The following DIDO1 variants were observed in gnomAD, a reference collection of about 807,000 sequenced individuals.
The protein encoded by DIDO1 is death-inducer obliterator 1.
Under a neutral mutation model 99.4 loss-of-function variants are expected in DIDO1, and 16 were observed. The observed-to-expected ratio is 0.16, with a 90% CI of 0.11 to 0.24. The LOEUF (loss-of-function observed/expected upper bound fraction) is 0.24. Ranked by LOEUF, DIDO1 falls within the 10% of genes least tolerant of loss-of-function variation. DIDO1 has a pLI of 1.00. For synonymous variants in DIDO1, 1,366 were observed against 1,239.1 expected (o/e 1.10, Z -2.15); for missense variants, 2,996 against 3,014.0 (o/e 0.99, Z 0.14).
chr20:62,896,279 C>A lies in DIDO1; in HGVS notation c.2168G>T (p.Ser723Ile). ...GTTGAACATGATGCTGCGATATTTA[C>A]TCTTGTAGCGATTATCTGTAACTTG... is the stretch of plus-strand genomic sequence containing the variant. Reference protein sequence around the residue: ...LFQVTDNRYKSKYRSIMFNLK... With the variant: ...LFQVTDNRYKIKYRSIMFNLK... The change falls in exon 8 of 16, where the codon AGT becomes ATT. Residue 723 changes from serine (S) to isoleucine (I), a missense_variant. By Grantham distance (142) the Ser-to-Ile change is moderately radical. Coordinates refer to ENST00000395343, the MANE Select transcript of DIDO1 (RefSeq NM_001193369.2). The surrounding 1 kb of genome is among the most constrained non-coding windows in gnomAD (Gnocchi z 4.4). 1 of 1,613,876 alleles carries A rather than the reference C, an allele frequency of 6.2e-7. No individual in the cohort carries two copies. Among genetic ancestry groups the A allele is most frequent in the Non-Finnish European group, 8.5e-7 (1 of 1,179,974 alleles).
chr20:62,893,039 T>C (rs2064433344), intron 12 of DIDO1, 77 bp from the exon 13 acceptor site: 4 of 1,488,694 alleles, frequency 2.7e-6, no homozygotes, highest in Non-Finnish European at 3.6e-6. Flanking sequence ...AGCCTTTTTT[T>C]TTTTTGAGAC....
upstream of DIDO1, among the ~76,000 whole-genome samples, chr20:62,927,223 C>G (rs2065271753): frequency 1.3e-5 from 2 of 152,302 alleles, no homozygotes; most frequent in South Asian, 4.1e-4. Context: ...CCCACCATGT[C>G]AATCCTACAC....
At chr20:62,893,630 A>C (rs1202109893) in intron 12 of DIDO1, 36 bp downstream of exon 12, 3 of 1,517,118 alleles carry the variant, frequency 2.0e-6, no homozygotes. Flanking sequence ...CTAAAAAAAA[A>C]GTTTGGCTTG....
chr20:62,919,920 G>A (rs1407729627), intron 1 of DIDO1, among the ~76,000 whole-genome samples: 1 of 152,232 alleles, frequency 6.6e-6, no homozygotes, highest in African/African-American at 2.4e-5. Flanking sequence ...TTATCGAGGT[G>A]AAGGAGAAGT....
At chr20:62,882,445 G>A (rs764249151) in intron 15 of DIDO1, 31 bp from the exon 16 acceptor site, 1 of 1,581,920 alleles carries the variant, frequency 6.3e-7, no homozygotes, top group Non-Finnish European at 8.6e-7. Flanking sequence ...GCAAATTTTA[G>A]AATCTAAATC....
intron 1 of DIDO1, among the ~76,000 whole-genome samples, chr20:62,924,811 C>T (rs930249306): frequency 1.1e-4 from 17 of 152,144 alleles, no homozygotes; most frequent in African/African-American, 4.1e-4. Flanking sequence ...CTCACCACAG[C>T]ACAATGAGCT....
rs2064889757 is a variant in DIDO1 at position 62,909,824 on chromosome 20, C to G, written c.1036G>C (p.Asp346His). 1.2e-6 allele frequency: 2 copies of G among 1,614,266 alleles called. No homozygotes were observed. Among genetic ancestry groups the G allele is most frequent in the Non-Finnish European group, 8.5e-7 (1 of 1,180,052 alleles). Reference sequence around the variant, plus strand: ...CCTATACTTGTACAATCGGTGCCATCAGCATCTCCAGGTCTCCATTTAGCT... The same window carrying G: ...CCTATACTTGTACAATCGGTGCCATGAGCATCTCCAGGTCTCCATTTAGCT... ...QEAKWRPGDA[D>H]GTDCTSIGTI... The change falls in exon 4 of 16, where the codon GAT becomes CAT. Residue 346 changes from aspartate (D) to histidine (H), a missense_variant. Around this residue, in one of 5 missense-constraint regions of DIDO1, gnomAD observed 898 missense variants for 972.7 expected, o/e 0.92. Transcript: ENST00000395343.
At chr20:62,929,705 A>ATATATATATATATATG (rs1446572343), upstream of DIDO1, among the ~76,000 whole-genome samples, 8 of 133,776 alleles carry the variant, frequency 6.0e-5, no homozygotes, top group African/African-American at 2.5e-4. Context: ...GTATATATAT[A>ATATATATATATATATG]TATATATGCC....
At chr20:62,892,488 C>G (rs2064419440) in intron 13 of DIDO1, among the ~76,000 whole-genome samples, 1 of 152,216 alleles carries the variant, frequency 6.6e-6, no homozygotes, top group African/African-American at 2.4e-5. Flanking sequence ...GTGTGTAAAG[C>G]AGGCTCCGAA....
chr20:62,894,992 T>C lies in DIDO1; in HGVS notation c.2331+57A>G. ...CATCGCTTATGCAGCCGTCTATGAA[T>C]TTATTTCTATTAAGCTCGAGTCCTG... On this transcript the variant is annotated intron_variant, in intron 9 of 15. Coordinates refer to ENST00000395343, the MANE Select transcript of DIDO1 (RefSeq NM_001193369.2). The surrounding 1 kb of genome is among the most constrained non-coding windows in gnomAD (Gnocchi z 4.4). 1 of 1,597,244 alleles carries C rather than the reference T, an allele frequency of 6.3e-7. No homozygotes were observed.
Position 62,879,617 on chromosome 20 carries a change from C to G in DIDO1, c.6339G>C (p.Arg2113Ser), listed in dbSNP as rs745639847. The change falls in exon 16 of 16, where the codon AGG becomes AGC. Residue 2113 changes from arginine (R) to serine (S), a missense_variant. Coordinates refer to ENST00000395343, the MANE Select transcript of DIDO1 (RefSeq NM_001193369.2). The surrounding 1 kb of genome is among the most constrained non-coding windows in gnomAD (Gnocchi z 6.3). ...TTCGGCCGCGCTCGCGCTCTCTCCT[C>G]CTGTCCTCGGACGCCCGGCCCTGGG... Reference protein sequence around the residue: ...PDAQGRASEDRRRERERGRNW... With the variant: ...PDAQGRASEDSRRERERGRNW... 8.7e-6 allele frequency: 14 copies of G among 1,604,940 alleles called. No individual in the cohort carries two copies. Among genetic ancestry groups the G allele is most frequent in the Non-Finnish European group, 1.2e-5 (14 of 1,179,740 alleles).
intron 1 of DIDO1, among the ~76,000 whole-genome samples, chr20:62,933,432 C>T (rs1324318294): frequency 2.0e-5 from 3 of 152,184 alleles, no homozygotes; most frequent in Non-Finnish European, 4.4e-5. Context: ...TTGATTTGCC[C>T]AATCTCTTTG....
rs568787597 is a variant in DIDO1, at chr20:62,914,307, G to A, written c.-100C>T. 2 of 152,008 alleles carry A rather than the reference G, an allele frequency of 1.3e-5. No individual in the cohort carries two copies. The highest frequency in any genetic ancestry group is 2.9e-5 in the Non-Finnish European group (2 of 68,026). The allele number at this position is 152,008 out of a possible 1,614,324, so 9.4% of individuals were successfully genotyped here. A position where few individuals can be genotyped will look rare whatever the true frequency, so the allele number is the denominator to read the frequency against. The stretch of plus-strand genomic sequence containing the variant: ...ACCTCTGGGTCCAAGCAGACAGCCA[G>A]GCTCACAACAACACTGTTGTCAGCC... On this transcript the variant is annotated 5_prime_UTR_variant, in exon 2 of 16. Transcript: ENST00000395343.
At chr20:62,933,198 T>C (rs2065348463) in intron 1 of DIDO1, among the ~76,000 whole-genome samples, 1 of 151,182 alleles carries the variant, frequency 6.6e-6, no homozygotes, top group South Asian at 2.1e-4. Flanking sequence ...GCAACAAGAG[T>C]GAAATTCTGT....
chr20:62,916,978 G>A (rs900515947), intron 1 of DIDO1, among the ~76,000 whole-genome samples: 1 of 152,206 alleles, frequency 6.6e-6, no homozygotes, highest in African/African-American at 2.4e-5. Flanking sequence ...ACGGGTTCAA[G>A]TAACAGACAG....
At chr20:62,925,074 G>A (rs910142664) in intron 1 of DIDO1, among the ~76,000 whole-genome samples, 1 of 152,122 alleles carries the variant, frequency 6.6e-6, no homozygotes, top group South Asian at 2.1e-4. Flanking sequence ...TGTCTATGCC[G>A]TATTTAAAAT....
chr20:62,914,685 C>A (rs529153812), intron 1 of DIDO1, among the ~76,000 whole-genome samples: 1 of 152,172 alleles, frequency 6.6e-6, no homozygotes, highest in Non-Finnish European at 1.5e-5. Context: ...AGAGGCCCAG[C>A]CAGACCAGGG....
intron 1 of DIDO1, among the ~76,000 whole-genome samples, chr20:62,914,710 C>T (rs1209164579): frequency 6.6e-6 from 1 of 152,168 alleles, no homozygotes; most frequent in Non-Finnish European, 1.5e-5. Context: ...AGAGGAGTCG[C>T]CAAGCATCAG....
rs745462394 is a variant in DIDO1 at position 62,891,409 on chromosome 20, T to G, written c.3346-254A>C. 1.1e-3 allele frequency among the ~76,000 whole-genome samples: 170 copies of G among 152,270 alleles called. 2 individuals carry two copies. The highest frequency in any genetic ancestry group is 1.4e-3 in the Non-Finnish European group (96 of 68,008). On this transcript the variant is annotated intron_variant, in intron 14 of 15. Transcript: ENST00000395343. ...CCAGCTGCATGATCTGCAATGGCTG[T>G]CTGTGCCCCTCCCTAGAGGGGGTTA... is the stretch of plus-strand genomic sequence containing the variant.
Sources: allele counts gnomAD v4.1 joint callset (sites outside exome capture counted in the v4.1 genomes callset), GRCh38; gene constraint gnomAD v4.1.1; regional missense constraint gnomAD v4.1.1; non-coding constraint Gnocchi (gnomAD v3.1); transcripts MANE v1.5; gene names NCBI Gene and HGNC (gene_info 2026-07-23, HGNC 2026-07-21).